CRACD: variants seen among roughly 807,000 people sequenced by gnomAD.
CRACD encodes the protein capping protein inhibiting regulator of actin dynamics, also known as capping protein-inhibiting regulator of actin dynamics.
In CRACD, 56 loss-of-function variants were observed where a neutral mutation model predicts 106.8. The ratio of observed to expected loss-of-function variants is 0.52; its 90% CI spans 0.42 to 0.66. The LOEUF is 0.66. CRACD is among the 30% of genes least tolerant of loss of function. The pLI is 0.00. For missense variants in CRACD, 1,730 were observed against 1,623.2 expected (o/e 1.07, Z -1.13); for synonymous variants, 754 against 670.8 (o/e 1.12, Z -1.92).
chr4:56,226,776 T>A (rs184230716), intron 2 of CRACD, among the ~76,000 whole-genome samples: 1 of 151,992 alleles, frequency 6.6e-6, no homozygotes, highest in Non-Finnish European at 1.5e-5. Context: ...AGGAGCTGGT[T>A]GTTAAAAAGA....
At chr4:56,292,664 A>G (rs1413492970) in intron 3 of CRACD, among the ~76,000 whole-genome samples, 2 of 152,092 alleles carry the variant, frequency 1.3e-5, no homozygotes, top group Non-Finnish European at 2.9e-5. Context: ...AGCTGGGACT[A>G]CAGGCGCCTG....
chr4:56,293,371 T>C (rs545340825), intron 3 of CRACD, among the ~76,000 whole-genome samples: 1 of 152,198 alleles, frequency 6.6e-6, no homozygotes, highest in Non-Finnish European at 1.5e-5. Flanking sequence ...GCTGAATAAA[T>C]TAAAAGAAGC....
At chr4:56,269,205 A>T (rs1265784318) in intron 2 of CRACD, among the ~76,000 whole-genome samples, 1 of 152,020 alleles carries the variant, frequency 6.6e-6, no homozygotes, top group Non-Finnish European at 1.5e-5. Flanking sequence ...CAACACAGTG[A>T]TACCCCGTCT....
At chr4:56,053,588 A>G (rs1731946513) in intron 1 of CRACD, among the ~76,000 whole-genome samples, 1 of 152,198 alleles carries the variant, frequency 6.6e-6, no homozygotes, top group African/African-American at 2.4e-5. Context: ...TATTATATGT[A>G]GGAGTGTAAC....
At chr4:56,126,434 T>G (rs1345831842) in intron 1 of CRACD, among the ~76,000 whole-genome samples, 1 of 152,226 alleles carries the variant, frequency 6.6e-6, no homozygotes, top group Non-Finnish European at 1.5e-5. Context: ...TACAGATCAT[T>G]TAGGCTTGTT....
At chr4:56,175,441 C>T (rs192186316) in intron 1 of CRACD, among the ~76,000 whole-genome samples, 13 of 152,254 alleles carry the variant, frequency 8.5e-5, no homozygotes, top group Admixed American at 7.2e-4. Context: ...CTACTTGCCA[C>T]TTGGATGTCT....
intron 4 of CRACD, among the ~76,000 whole-genome samples, chr4:56,304,826 T>C (rs914858625): frequency 5.9e-5 from 9 of 151,842 alleles, no homozygotes; most frequent in African/African-American, 1.9e-4. Flanking sequence ...TGAAGTAAAG[T>C]TTAAGTATAT....
chr4:56,287,880 G>A (rs891980454), intron 3 of CRACD, among the ~76,000 whole-genome samples: 2 of 152,316 alleles, frequency 1.3e-5, no homozygotes, highest in South Asian at 2.1e-4. Flanking sequence ...GGGCTTAAAT[G>A]TTTTAAGATG....
At chr4:56,113,273 A>G (rs1280183145) in intron 1 of CRACD, among the ~76,000 whole-genome samples, 2 of 152,204 alleles carry the variant, frequency 1.3e-5, no homozygotes, top group African/African-American at 2.4e-5. Flanking sequence ...TAAAAATATC[A>G]GTTATATTTG....
chr4:56,298,658 C>T (rs1215305473), intron 4 of CRACD, among the ~76,000 whole-genome samples: 2 of 152,128 alleles, frequency 1.3e-5, no homozygotes, highest in East Asian at 1.9e-4. Context: ...TGGGGCCAGG[C>T]GCGGTGGCTC....
chr4:56,214,212 A>C (rs995350669), intron 2 of CRACD, among the ~76,000 whole-genome samples: 1 of 151,800 alleles, frequency 6.6e-6, no homozygotes, highest in Non-Finnish European at 1.5e-5. Flanking sequence ...TCTCACTGTC[A>C]CTCCACATAA....
intron 2 of CRACD, among the ~76,000 whole-genome samples, chr4:56,184,479 G>A (rs1330120753): frequency 6.6e-6 from 1 of 152,168 alleles, no homozygotes; most frequent in Non-Finnish European, 1.5e-5. Context: ...CACCAAATGC[G>A]ACTCCCTGGG....
chr4:56,099,347 A>G (rs754555842), intron 1 of CRACD, among the ~76,000 whole-genome samples: 1 of 152,184 alleles, frequency 6.6e-6, no homozygotes, highest in African/African-American at 2.4e-5. Context: ...GTTGGACCTA[A>G]TAGATACCTG....
chr4:56,065,101 T>C (rs983962311), intron 1 of CRACD, among the ~76,000 whole-genome samples: 4 of 151,558 alleles, frequency 2.6e-5, no homozygotes, highest in African/African-American at 9.7e-5. Context: ...TTTTATTTTT[T>C]TTTTGAGATG....
rs566917506 is a variant in CRACD, at chr4:56,052,190, A to G, written c.-336+2891A>G. Among the ~76,000 whole-genome samples the G allele has an allele frequency of 3.9e-5, 6 of 152,278 alleles. No homozygotes were observed. The East Asian group carries it at 1.2e-3, about 29-fold the overall frequency. Reference sequence around the variant, plus strand: ...AGGCATGAACCACTGCGCCCAGCCTAAACTTTTATTTTTGCACAGTAAGAG... The same window carrying G: ...AGGCATGAACCACTGCGCCCAGCCTGAACTTTTATTTTTGCACAGTAAGAG... On this transcript the variant is annotated intron_variant, in intron 1 of 10. Transcript: ENST00000682029.
intron 1 of CRACD, among the ~76,000 whole-genome samples, chr4:56,106,861 G>A (rs975646958): frequency 5.9e-5 from 9 of 152,198 alleles, no homozygotes; most frequent in Non-Finnish European, 5.9e-5. Flanking sequence ...CTGTTTTCAT[G>A]CTAAGGCTGT....
At chr4:56,239,838 A>C (rs1740259290) in intron 2 of CRACD, among the ~76,000 whole-genome samples, 1 of 152,146 alleles carries the variant, frequency 6.6e-6, no homozygotes, top group South Asian at 2.1e-4. Context: ...TAACACAAAA[A>C]GCTTTATCTT....
intron 8 of CRACD, among the ~76,000 whole-genome samples, chr4:56,322,554 A>G (rs1746168520): frequency 6.6e-6 from 1 of 152,230 alleles, no homozygotes; most frequent in African/African-American, 2.4e-5. Flanking sequence ...TGGTGGCTGG[A>G]GTACTCACAT....
At position 56,314,834 on chromosome 4, in the gene CRACD, C is replaced by A; in HGVS notation, c.1332C>A (p.His444Gln). The change falls in exon 8 of 11, where the codon CAC becomes CAA. Residue 444 changes from histidine to glutamine, a missense_variant. Coordinates refer to ENST00000682029, the MANE Select transcript of CRACD (RefSeq NM_001393381.1). The surrounding 1 kb of genome is among the most constrained non-coding windows in gnomAD (Gnocchi z 4.4). ...TGAAACCCGAAGGACAAAGAGAACA[C>A]TCCGAGGAGCCAGGTATTTGCGAGG... ...ERLKPEGQREHSEEPGICEEQ... is the reference protein window; with the variant it reads ...ERLKPEGQREQSEEPGICEEQ... 1 of 1,611,144 alleles carries A rather than the reference C, an allele frequency of 6.2e-7. No individual in the cohort carries two copies. The highest frequency in any genetic ancestry group is 8.5e-7 in the Non-Finnish European group (1 of 1,179,230).
Sources: gnomAD v4.1 joint callset for allele counts (sites outside exome capture counted in the v4.1 genomes callset) on GRCh38, gnomAD v4.1.1 for gene constraint, Gnocchi (gnomAD v3.1) non-coding constraint, MANE v1.5 for transcripts, NCBI Gene and HGNC (gene_info 2026-07-23, HGNC 2026-07-21) for gene names.